ZZEF1: variants seen among roughly 807,000 people sequenced by gnomAD.
ZZEF1 encodes the protein zinc finger ZZ-type and EF-hand domain-containing protein 1.
In ZZEF1, 157 loss-of-function variants were observed where a neutral mutation model predicts 342.8. The observed-to-expected ratio is 0.46, with a 90% CI of 0.40 to 0.52. The LOEUF (loss-of-function observed/expected upper bound fraction) is 0.52. Among genes scored for constraint, ZZEF1 ranks in the 20% least tolerant of loss-of-function variants. The probability of loss-of-function intolerance (pLI) is 0.00; values close to 1 mark genes in which losing one functional copy is unlikely to be tolerated. For missense variants in ZZEF1, 3,480 were observed against 3,725.6 expected (o/e 0.93, Z 1.72); for synonymous variants, 1,505 against 1,429.1 (o/e 1.05, Z -1.20).
chr17:4,007,208 G>A (rs1301855238), intron 54 of ZZEF1, among the ~76,000 whole-genome samples: 1 of 152,260 alleles, frequency 6.6e-6, no homozygotes, highest in Non-Finnish European at 1.5e-5. Context: ...CCAGGGCGGA[G>A]GCTCAGAAGG....
At chr17:4,130,426 T>C (rs4790570) in intron 1 of ZZEF1, among the ~76,000 whole-genome samples, 139,183 of 152,004 alleles carry the variant, frequency 0.92, 65,010 homozygotes, top group East Asian at 1. Flanking sequence ...GCACTCCAGC[T>C]TGGGTGACAG....
At position 4,058,050 on chromosome 17, in the gene ZZEF1, T is replaced by C. The variant is rs2057204411; in HGVS notation, c.5109A>G (p.Pro1703=). The C allele has an allele frequency of 6.2e-7, 1 of 1,614,072 alleles. No individual in the cohort carries two copies. The highest frequency in any genetic ancestry group is 8.5e-7 in the Non-Finnish European group (1 of 1,180,028). Residue 1703 remains proline, a synonymous_variant, in exon 32 of 55, where the codon CCA becomes CCG. Coordinates refer to ENST00000381638, the MANE Select transcript of ZZEF1 (RefSeq NM_015113.4). ...CCTGTGACATTTTCATGAGGAGATCTGGTAACTGAATATCAACAAAGAAGG... is the reference window on the plus strand; with the variant it reads ...CCTGTGACATTTTCATGAGGAGATCCGGTAACTGAATATCAACAAAGAAGG... ...DLAFFVDIQL[P]DLLMKMSQEN... is the part of the protein sequence containing the mutation.
chr17:4,087,466 G>GTC lies in ZZEF1; in HGVS notation c.2309_2310insGA (p.Ile770MetfsTer10). On this transcript the variant is annotated frameshift_variant, in exon 14 of 55. Transcript: ENST00000381638. LOFTEE classifies it high-confidence loss of function. ...TTAATTTACTGTAAAAATTCCAGAA[G>GTC]ATCTGCAAATCAAGACCCGCGAAGT... 6.2e-7 allele frequency: 1 copy of GTC among 1,611,532 alleles called. No individual in the cohort carries two copies. Among genetic ancestry groups the GTC allele is most frequent in the Non-Finnish European group, 8.5e-7 (1 of 1,179,380 alleles).
intron 9 of ZZEF1, 68 bp downstream of exon 9, chr17:4,102,249 G>C: frequency 2.2e-6 from 3 of 1,372,954 alleles, no homozygotes; most frequent in Non-Finnish European, 2.1e-6. Context: ...TCAAAGTCTG[G>C]AGTGTGCTTT....
chr17:4,021,829 G>A (rs1266317428), intron 44 of ZZEF1, among the ~76,000 whole-genome samples: 1 of 152,096 alleles, frequency 6.6e-6, no homozygotes, highest in African/African-American at 2.4e-5. Context: ...TCATGATGCA[G>A]TCTAGATTTA....
chr17:4,029,730 C>A (rs564391130), intron 42 of ZZEF1, among the ~76,000 whole-genome samples: 1 of 151,816 alleles, frequency 6.6e-6, no homozygotes, highest in African/African-American at 2.4e-5. Context: ...AAAAATTAGC[C>A]GGGCATAGTG....
chr17:4,024,861 C>G, intron 43 of ZZEF1, 58 bp downstream of exon 43: 1 of 1,504,362 alleles, frequency 6.6e-7, no homozygotes, highest in East Asian at 2.3e-5. Context: ...TAGTTAATCC[C>G]CATGCAGATG....
intron 2 of ZZEF1, among the ~76,000 whole-genome samples, chr17:4,117,783 G>A (rs2058422244): frequency 6.6e-6 from 1 of 151,810 alleles, no homozygotes; most frequent in Admixed American, 6.6e-5. Flanking sequence ...ACGTTTTTAA[G>A]GAAGTCTTGC....
Position 4,096,589 on chromosome 17 carries a change from G to A in ZZEF1, c.1764+20C>T, listed in dbSNP as rs775961819. The A allele has an allele frequency of 5.6e-6, 9 of 1,607,232 alleles. No homozygotes were observed. The South Asian group carries it at 1.0e-4, about 18-fold the overall frequency. ...AACAAAAGTAGTAACATTGCTTAAA[G>A]AAGGTAGCACGAAAATTACCATAAT... On this transcript the variant is annotated intron_variant, in intron 10 of 54. Coordinates refer to ENST00000381638, the MANE Select transcript of ZZEF1 (RefSeq NM_015113.4).
At chr17:4,134,676 T>A (rs1009641779) in intron 1 of ZZEF1, among the ~76,000 whole-genome samples, 1 of 152,092 alleles carries the variant, frequency 6.6e-6, no homozygotes, top group South Asian at 2.1e-4. Context: ...ACAGAGAGGT[T>A]ATTTTTTTTA....
At chr17:4,043,736 GC>G (rs1275582270) in intron 38 of ZZEF1, among the ~76,000 whole-genome samples, 3 of 152,210 alleles carry the variant, frequency 2.0e-5, no homozygotes, top group African/African-American at 7.2e-5. Context: ...TTCTCCGAAC[GC>G]CCATCCCTAT....
At chr17:4,112,569 C>A in intron 5 of ZZEF1, 40 bp downstream of exon 5, 1 of 1,604,220 alleles carries the variant, frequency 6.2e-7, no homozygotes, top group Middle Eastern at 1.7e-4. Context: ...AAATACTACT[C>A]CCTTGCTTTT....
intron 2 of ZZEF1, among the ~76,000 whole-genome samples, chr17:4,122,232 G>A (rs912321607): frequency 1.9e-4 from 29 of 152,100 alleles, no homozygotes; most frequent in South Asian, 2.1e-4. Context: ...AACCAAGACC[G>A]AAAGGAAAAT....
At chr17:4,058,491 G>A (rs532116134) in intron 31 of ZZEF1, among the ~76,000 whole-genome samples, 8 of 152,340 alleles carry the variant, frequency 5.3e-5, no homozygotes, top group Admixed American at 3.3e-4. Flanking sequence ...TAGATTTACC[G>A]AAGAATCATT....
chr17:4,090,684 G>A (rs1438162862), intron 12 of ZZEF1, 35 bp downstream of exon 12: 26 of 1,526,084 alleles, frequency 1.7e-5, no homozygotes, highest in Non-Finnish European at 2.4e-5. Flanking sequence ...CAGAATAAAA[G>A]GAGGGGAGTG....
chr17:4,019,995 A>C (rs1271950140), intron 45 of ZZEF1: 1 of 443,914 alleles, frequency 2.3e-6, no homozygotes, highest in African/African-American at 2.1e-5. Context: ...ATAAAACACT[A>C]AAACCCCAAA....
chr17:4,097,925 C>CAAAAAAAA (rs543750057), intron 9 of ZZEF1, among the ~76,000 whole-genome samples: 1 of 67,610 alleles, frequency 1.5e-5, no homozygotes. Context: ...CCCATTTCTA[C>CAAAAAAAA]CAAAAAAAAA....
Position 4,076,719 on chromosome 17 carries a change from T to A in ZZEF1, c.3152A>T (p.His1051Leu). 1 of 1,612,756 alleles carries A rather than the reference T, an allele frequency of 6.2e-7. No homozygotes were observed. The highest frequency in any genetic ancestry group is 8.5e-7 in the Non-Finnish European group (1 of 1,178,828). Reference protein sequence around the residue: ...LLDFCTLDIPHCVLLREFSVL... With the variant: ...LLDFCTLDIPLCVLLREFSVL... ...GCTGAACTCTCTCAAGAGCACGCAGTGTGGGATGTCTAAAGTGCAGAAGTC... is the reference window on the plus strand; with the variant it reads ...GCTGAACTCTCTCAAGAGCACGCAGAGTGGGATGTCTAAAGTGCAGAAGTC... The change falls in exon 21 of 55, where the codon CAC becomes CTC. Residue 1051 changes from histidine to leucine, a missense_variant. His to Leu is a moderately conservative substitution (Grantham distance 99). Around this residue, in one of 5 missense-constraint regions of ZZEF1, gnomAD observed 1,528 missense variants for 1,624.1 expected, o/e 0.94. Coordinates refer to ENST00000381638, the MANE Select transcript of ZZEF1 (RefSeq NM_015113.4).
In ZZEF1 at chr17:4,054,159, T is replaced by C; in HGVS notation, c.5332A>G (p.Asn1778Asp). 1 of 1,613,978 alleles carries C rather than the reference T, an allele frequency of 6.2e-7. No individual in the cohort carries two copies. Among genetic ancestry groups the C allele is most frequent in the Non-Finnish European group, 8.5e-7 (1 of 1,179,952 alleles). ...MFIARYCDLL[N>D]VDISCDGCDE... ...CACCCATCACAAGAGATGTCCACAT[T>C]TAACAGGTCACAGTAGCGAGCAATG... The change falls in exon 34 of 55, where the codon AAT becomes GAT. Residue 1778 changes from asparagine (N) to aspartate (D), a missense_variant. Asn to Asp is a conservative substitution (Grantham distance 23). Coordinates refer to ENST00000381638, the MANE Select transcript of ZZEF1 (RefSeq NM_015113.4).
Sources: allele counts gnomAD v4.1 joint callset (sites outside exome capture counted in the v4.1 genomes callset), GRCh38; gene constraint gnomAD v4.1.1; regional missense constraint gnomAD v4.1.1; transcripts MANE v1.5; gene names NCBI Gene and HGNC (gene_info 2026-07-23, HGNC 2026-07-21).